DPP10: variants seen among roughly 807,000 people sequenced by gnomAD.
The protein encoded by DPP10 is dipeptidyl peptidase like 10.
DPP10 carries 33 observed loss-of-function variants against 120.9 expected under a neutral mutation model. That is an observed-to-expected ratio of 0.27 (90% CI 0.21 to 0.37). The LOEUF (loss-of-function observed/expected upper bound fraction) is 0.37, where lower values mean the gene tolerates loss of function less well. Ranked by LOEUF, DPP10 falls within the 10% of genes least tolerant of loss-of-function variation. DPP10 has a pLI of 1.00. For synonymous variants in DPP10, 337 were observed against 326.1 expected, an observed-to-expected ratio of 1.03 and a Z score of -0.36; for missense variants, 816 against 942.8, an observed-to-expected ratio of 0.87 and a Z score of 1.76.
chr2:115,004,994 G>C (rs1329528677), intron 1 of DPP10, among the ~76,000 whole-genome samples: 1 of 151,940 alleles, frequency 6.6e-6, no homozygotes, highest in Non-Finnish European at 1.5e-5. Flanking sequence ...GAGAGCAGTG[G>C]TTCTCCCAGT....
intron 7 of DPP10, among the ~76,000 whole-genome samples, chr2:115,724,504 A>G (rs896712000): frequency 6.6e-6 from 1 of 151,502 alleles, no homozygotes; most frequent in Non-Finnish European, 1.5e-5. Flanking sequence ...AATGCAGCAC[A>G]TAGTATTTCA....
intron 19 of DPP10, among the ~76,000 whole-genome samples, chr2:115,809,404 T>C (rs1686375505): frequency 6.6e-6 from 1 of 152,224 alleles, no homozygotes; most frequent in Non-Finnish European, 1.5e-5. Flanking sequence ...TGCTATCCTA[T>C]GTTAATCTCA....
At chr2:114,713,714 G>A (rs555923068) in intron 1 of DPP10, among the ~76,000 whole-genome samples, 7 of 152,204 alleles carry the variant, frequency 4.6e-5, no homozygotes, top group African/African-American at 1.7e-4. Context: ...AATTTGGCTG[G>A]GCGCAGTGGC....
At chr2:114,572,784 A>G (rs1689756466) in intron 1 of DPP10, among the ~76,000 whole-genome samples, 1 of 152,212 alleles carries the variant, frequency 6.6e-6, no homozygotes, top group South Asian at 2.1e-4. Context: ...TGGGGATGAC[A>G]CTGTTATCTC....
At chr2:115,449,399 C>T (rs1364870482) in intron 3 of DPP10, among the ~76,000 whole-genome samples, 2 of 151,958 alleles carry the variant, frequency 1.3e-5, no homozygotes, top group Non-Finnish European at 2.9e-5. Context: ...CTAGAGTCTA[C>T]TTGATCTTAG....
chr2:115,573,249 G>A (rs1558868742), intron 5 of DPP10, among the ~76,000 whole-genome samples: 1 of 150,608 alleles, frequency 6.6e-6, no homozygotes, highest in East Asian at 2.0e-4. Flanking sequence ...AGGACATACA[G>A]ACTGCATGAA....
intron 1 of DPP10, among the ~76,000 whole-genome samples, chr2:114,549,169 G>A (rs1687661867): frequency 6.6e-6 from 1 of 151,808 alleles, no homozygotes; most frequent in Admixed American, 6.6e-5. Context: ...ATGCATGCCG[G>A]GGGTGGGCGT....
intron 1 of DPP10, among the ~76,000 whole-genome samples, chr2:114,891,852 C>G (rs895700189): frequency 3.9e-5 from 6 of 152,176 alleles, no homozygotes; most frequent in Non-Finnish European, 5.9e-5. Flanking sequence ...GAATTCTGCA[C>G]TGATGTTCTA....
chr2:115,475,035 C>T (rs2074984467), intron 3 of DPP10, among the ~76,000 whole-genome samples: 1 of 152,014 alleles, frequency 6.6e-6, no homozygotes, highest in Non-Finnish European at 1.5e-5. Context: ...AAAAGAAAAG[C>T]CATTTGCAGG....
At chr2:114,759,142 C>T (rs1178869204) in intron 1 of DPP10, among the ~76,000 whole-genome samples, 2 of 152,142 alleles carry the variant, frequency 1.3e-5, no homozygotes, top group Non-Finnish European at 1.5e-5. Context: ...ACAGTAACTA[C>T]ATATATTGAT....
chr2:114,490,069 C>G (rs530666015), intron 1 of DPP10, among the ~76,000 whole-genome samples: 1 of 152,262 alleles, frequency 6.6e-6, no homozygotes, highest in East Asian at 1.9e-4. Context: ...AGAGACTGAC[C>G]AGGAAAGAAT....
chr2:114,493,116 A>T (rs1005884707), intron 1 of DPP10, among the ~76,000 whole-genome samples: 1 of 152,130 alleles, frequency 6.6e-6, no homozygotes, highest in Non-Finnish European at 1.5e-5. Context: ...ATAGAGATAC[A>T]CTCAGTGTGC....
intron 3 of DPP10, among the ~76,000 whole-genome samples, chr2:115,380,914 A>G (rs145262084): frequency 0.045 from 6,842 of 152,256 alleles, 207 homozygotes; most frequent in Non-Finnish European, 0.072. Flanking sequence ...GTTTCTGCCT[A>G]GAGATCCGCT....
At chr2:114,702,276 C>A (rs1450542945) in intron 1 of DPP10, among the ~76,000 whole-genome samples, 1 of 152,028 alleles carries the variant, frequency 6.6e-6, no homozygotes, top group African/African-American at 2.4e-5. Context: ...AACCATCATA[C>A]AGGAAGCAAG....
chr2:115,425,958 T>C (rs1366827479), intron 3 of DPP10, among the ~76,000 whole-genome samples: 1 of 152,198 alleles, frequency 6.6e-6, no homozygotes, highest in Non-Finnish European at 1.5e-5. Flanking sequence ...TCGTGAGAAC[T>C]GACTTAATAC....
chr2:115,838,394 A>G (rs1046241275), intron 24 of DPP10, among the ~76,000 whole-genome samples: 2 of 152,196 alleles, frequency 1.3e-5, no homozygotes, highest in Admixed American at 1.3e-4. Context: ...GCAAACACGG[A>G]ATAGTAGATG....
chr2:115,325,748 G>A (rs1019245173), intron 2 of DPP10, among the ~76,000 whole-genome samples: 2 of 151,996 alleles, frequency 1.3e-5, no homozygotes, highest in African/African-American at 2.4e-5. Flanking sequence ...AAAATAAATG[G>A]TATTGTTTCA....
chr2:115,074,029 T>C (rs576104304), intron 1 of DPP10, among the ~76,000 whole-genome samples: 5 of 152,206 alleles, frequency 3.3e-5, no homozygotes, highest in Non-Finnish European at 7.3e-5. Context: ...TTGATTTTGT[T>C]TTGATAGAGT....
intron 3 of DPP10, among the ~76,000 whole-genome samples, chr2:115,434,970 C>T (rs1476166879): frequency 1.3e-5 from 2 of 151,316 alleles, no homozygotes; most frequent in African/African-American, 4.9e-5. Flanking sequence ...AACATAATGG[C>T]TTCTAGTTCC....
Sources: allele counts gnomAD v4.1 joint callset (sites outside exome capture counted in the v4.1 genomes callset), GRCh38; gene constraint gnomAD v4.1.1; transcripts MANE v1.5; gene names NCBI Gene and HGNC (gene_info 2026-07-23, HGNC 2026-07-21).